The following CCDC149 variants were observed in gnomAD, a reference collection of about 807,000 sequenced individuals.
The protein encoded by CCDC149 is coiled-coil domain-containing protein 149.
CCDC149 carries 45 observed loss-of-function variants against 59.9 expected under a neutral mutation model. The observed-to-expected ratio is 0.75, with a 90% CI of 0.59 to 0.96. The LOEUF (loss-of-function observed/expected upper bound fraction) is 0.96, where lower values mean the gene tolerates loss of function less well. Ranked by LOEUF, CCDC149 falls within the 40% of genes least tolerant of loss-of-function variation. The pLI is 0.00. For missense variants in CCDC149, 584 were observed against 664.7 expected (o/e 0.88, Z 1.33); for synonymous variants, 245 against 260.6 (o/e 0.94, Z 0.58).
chr4:24,924,381 G>A lies in CCDC149; in HGVS notation c.-64-29263C>T, dbSNP rs114916516. Among the ~76,000 whole-genome samples, 654 of 152,304 alleles carry A rather than the reference G, an allele frequency of 4.3e-3. 4 individuals are homozygous for A. Among genetic ancestry groups the A allele is most frequent in the African/African-American group, 0.015 (633 of 41,578 alleles). On this transcript the variant is annotated intron_variant, in intron 1 of 12. Coordinates refer to the CCDC149 transcript ENST00000389609. Reference sequence around the variant, plus strand: ...CATCCCAAGTTTAGTGGTGTGAAACGTCACGTTATGTTCATGGATTCCATG... The same window carrying A: ...CATCCCAAGTTTAGTGGTGTGAAACATCACGTTATGTTCATGGATTCCATG...
chr4:24,853,605 A>G (rs56239401), intron 3 of CCDC149, among the ~76,000 whole-genome samples: 9,220 of 146,930 alleles, frequency 0.063, 320 homozygotes, highest in Non-Finnish European at 0.078. Flanking sequence ...AAAAAAAAAA[A>G]AGAGAGAGAG....
At chr4:24,979,740 G>T (rs1724389074) in intron 1 of CCDC149, among the ~76,000 whole-genome samples, 1 of 152,108 alleles carries the variant, frequency 6.6e-6, no homozygotes, top group Non-Finnish European at 1.5e-5. Context: ...TGGGATGGTG[G>T]CCAAGTTCTC....
intron 1 of CCDC149, among the ~76,000 whole-genome samples, chr4:24,910,244 T>C (rs1041677806): frequency 6.6e-6 from 1 of 152,216 alleles, no homozygotes; most frequent in South Asian, 2.1e-4. Flanking sequence ...CGTCTTCCCA[T>C]AGCCTGCTCC....
At chr4:24,841,419 T>C (rs1258016495) in intron 4 of CCDC149, among the ~76,000 whole-genome samples, 1 of 152,274 alleles carries the variant, frequency 6.6e-6, no homozygotes, top group African/African-American at 2.4e-5. Context: ...ATATATTGGA[T>C]GCCTGTTAAG....
chr4:24,872,485 C>T (rs551640610), intron 3 of CCDC149, among the ~76,000 whole-genome samples: 2 of 152,290 alleles, frequency 1.3e-5, no homozygotes, highest in Non-Finnish European at 2.9e-5. Context: ...GAATATTATG[C>T]ACCCACAGAA....
Position 24,854,218 on chromosome 4 carries a change from T to C in CCDC149, c.265-1039A>G, listed in dbSNP as rs571199015. ...CACAGTCCTCGCTCACATGGCTTCT[T>C]GTTCTCCCATACTATTCTTACTTTG... On this transcript the variant is annotated intron_variant, in intron 3 of 12. Transcript: ENST00000635206. Among the ~76,000 whole-genome samples, 11 of 152,336 alleles carry C rather than the reference T, an allele frequency of 7.2e-5. No homozygotes were observed. In the East Asian group the frequency reaches 2.1e-3, roughly 29 times the overall value.
chr4:24,839,454 C>G (rs1716799094), intron 4 of CCDC149, among the ~76,000 whole-genome samples: 1 of 152,232 alleles, frequency 6.6e-6, no homozygotes, highest in African/African-American at 2.4e-5. Flanking sequence ...GCTGGGATTA[C>G]AGGCATAAGC....
At position 24,922,914 on chromosome 4, in the gene CCDC149, TTTTC is replaced by T. The variant is rs1722337220; in HGVS notation, c.-64-27800_-64-27797del. Among the ~76,000 whole-genome samples, 5 of 152,088 alleles carry T rather than the reference TTTTC, an allele frequency of 3.3e-5. No individual in the cohort carries two copies. The East Asian group carries it at 9.6e-4, about 29-fold the overall frequency. ...TCTACAATTTATTTTTCCCCTTAGA[TTTTC>T]TTTTTTTTTTATTGATTTTCCATTT... is the stretch of plus-strand genomic sequence containing the variant. On this transcript the variant is annotated intron_variant, in intron 1 of 12. Transcript: ENST00000389609.
At chr4:24,869,173 T>C (rs146105044) in intron 3 of CCDC149, among the ~76,000 whole-genome samples, 96 of 152,328 alleles carry the variant, frequency 6.3e-4, no homozygotes, top group Non-Finnish European at 1.1e-3. Flanking sequence ...GAGCTGCCTT[T>C]CATCAGTGGC....
intron 3 of CCDC149, among the ~76,000 whole-genome samples, chr4:24,863,185 C>T (rs1235343295): frequency 3.3e-5 from 5 of 152,116 alleles, no homozygotes; most frequent in African/African-American, 1.2e-4. Flanking sequence ...CCCAGCTACT[C>T]AGGAGGCTGA....
At chr4:24,955,919 C>A (rs534056730) in intron 1 of CCDC149, among the ~76,000 whole-genome samples, 1 of 152,160 alleles carries the variant, frequency 6.6e-6, no homozygotes, top group Non-Finnish European at 1.5e-5. Flanking sequence ...GAAGAAAATT[C>A]TTATAGAGAC....
Position 24,867,409 on chromosome 4 carries a change from T to C in CCDC149, c.264+6272A>G, listed in dbSNP as rs370841318. ...ACTGTGATGCTGCCCTGTGCCTTTA[T>C]GAAAGACATACCTCCCAGTGTGACC... On this transcript the variant is annotated intron_variant, in intron 3 of 12. Coordinates refer to ENST00000635206, the MANE Select transcript of CCDC149 (RefSeq NM_001330643.2). 2.6e-5 allele frequency among the ~76,000 whole-genome samples: 4 copies of C among 152,362 alleles called. No homozygotes were observed. The East Asian group carries it at 5.8e-4, about 22-fold the overall frequency.
At chr4:24,849,086 T>G (rs1181879802) in intron 4 of CCDC149, among the ~76,000 whole-genome samples, 1 of 152,116 alleles carries the variant, frequency 6.6e-6, no homozygotes, top group Non-Finnish European at 1.5e-5. Flanking sequence ...ACCCCTTTTT[T>G]CCTCCTGATC....
intron 2 of CCDC149, among the ~76,000 whole-genome samples, chr4:24,876,153 A>T (rs971496079): frequency 6.6e-6 from 1 of 152,120 alleles, no homozygotes; most frequent in African/African-American, 2.4e-5. Flanking sequence ...CAGTATATGT[A>T]GGGTTTCCTA....
intron 12 of CCDC149, among the ~76,000 whole-genome samples, chr4:24,810,354 T>C (rs970480469): frequency 6.6e-5 from 10 of 152,212 alleles, no homozygotes; most frequent in African/African-American, 2.2e-4. Context: ...GCACAGAACT[T>C]ATGTATCCAG....
intron 1 of CCDC149, among the ~76,000 whole-genome samples, chr4:24,890,997 G>A (rs1455125736): frequency 6.6e-6 from 1 of 152,250 alleles, no homozygotes; most frequent in Non-Finnish European, 1.5e-5. Flanking sequence ...TCCGCCTGCA[G>A]CATGCAGGCC....
chr4:24,890,488 G>A (rs947793782), intron 1 of CCDC149, among the ~76,000 whole-genome samples: 5 of 152,160 alleles, frequency 3.3e-5, no homozygotes, highest in African/African-American at 7.2e-5. Context: ...AATTACTTAC[G>A]TGAGAAAAAG....
intron 3 of CCDC149, among the ~76,000 whole-genome samples, chr4:24,872,519 T>C (rs1719105192): frequency 6.6e-6 from 1 of 152,122 alleles, no homozygotes; most frequent in Non-Finnish European, 1.5e-5. Flanking sequence ...CCAAATGGTA[T>C]GCACCCACAG....
intron 1 of CCDC149, among the ~76,000 whole-genome samples, chr4:24,885,179 G>A (rs1402791521): frequency 1.3e-5 from 2 of 152,190 alleles, no homozygotes; most frequent in African/African-American, 4.8e-5. Flanking sequence ...GTGGTGCTGA[G>A]GAGTTCAGAT....
Sources: allele counts gnomAD v4.1 joint callset (sites outside exome capture counted in the v4.1 genomes callset), GRCh38; gene constraint gnomAD v4.1.1; transcripts MANE v1.5; gene names NCBI Gene and HGNC (gene_info 2026-07-23, HGNC 2026-07-21).